Variants in LARGE1 observed in about 807,000 individuals in gnomAD.
LARGE1 encodes the protein LARGE xylosyl- and glucuronyltransferase 1.
In LARGE1, 43 loss-of-function variants were observed where a neutral mutation model predicts 87.6. That is an observed-to-expected ratio of 0.49 (90% CI 0.38 to 0.63). The LOEUF is 0.63. Ranked by LOEUF, LARGE1 falls within the 30% of genes least tolerant of loss-of-function variation. The probability of loss-of-function intolerance (pLI) is 0.00; values close to 1 mark genes in which losing one functional copy is unlikely to be tolerated. For missense variants in LARGE1, 802 were observed against 1,000.2 expected, an observed-to-expected ratio of 0.80 and a Z score of 2.67; for synonymous variants, 434 against 394.6, an observed-to-expected ratio of 1.10 and a Z score of -1.18.
At chr22:33,153,703 T>A in the LARGE1 span, among the ~76,000 whole-genome samples, 183 of 152,212 alleles carry the variant, frequency 1.2e-3, 1 homozygote, top group Non-Finnish European at 2.3e-3. Context: ...TTCTCTTTAG[T>A]TTGCATTATC....
Position 33,453,049 on chromosome 22 carries a change from T to C in LARGE1, c.788-20784A>G, listed in dbSNP as rs144719123. 2.8e-3 allele frequency among the ~76,000 whole-genome samples: 431 copies of C among 152,298 alleles called. 2 individuals are homozygous for C. The highest frequency in any genetic ancestry group is 0.024 in the Middle Eastern group (7 of 294). ...CCCTCCAGCTTTCCCAGAAGGAAAC[T>C]GAATAGACAGAGACAAGCCAACTTC... On this transcript the variant is annotated intron_variant, in intron 6 of 14. Transcript: ENST00000397394.
At chr22:33,752,086 T>G (rs1345264922) in intron 2 of LARGE1, among the ~76,000 whole-genome samples, 1 of 152,206 alleles carries the variant, frequency 6.6e-6, no homozygotes, top group Non-Finnish European at 1.5e-5. Context: ...CCAGCCCCAC[T>G]ATTCTCATTT....
At chr22:33,086,314 C>T in the LARGE1 span, among the ~76,000 whole-genome samples, 4 of 152,186 alleles carry the variant, frequency 2.6e-5, no homozygotes, top group East Asian at 1.9e-4. Context: ...AACTTTGCTA[C>T]GAGTTCCATA....
chr22:33,367,035 G>A (rs969031546), intron 9 of LARGE1, among the ~76,000 whole-genome samples: 1 of 151,944 alleles, frequency 6.6e-6, no homozygotes, highest in Non-Finnish European at 1.5e-5. Flanking sequence ...TTCTTAAATC[G>A]GTTTTGGTAA....
the LARGE1 span, among the ~76,000 whole-genome samples, chr22:33,094,585 TTTTC>T: frequency 3.8e-4 from 58 of 152,100 alleles, no homozygotes; most frequent in Middle Eastern, 0.014. Context: ...TTTCTCTACT[TTTTC>T]TTTCTTTCTT....
At position 33,651,264 on chromosome 22, in the gene LARGE1, C is replaced by G. The variant is rs536659631; in HGVS notation, c.107-596G>C. Among the ~76,000 whole-genome samples the G allele has an allele frequency of 5.1e-5, 6 of 118,152 alleles. No homozygotes were observed. In the East Asian group the frequency reaches 1.2e-3, roughly 24 times the overall value. The allele number at this position is 118,152 out of a possible 152,430, so 77.5% of individuals were successfully genotyped here. On this transcript the variant is annotated intron_variant, in intron 2 of 14. Coordinates refer to ENST00000397394, the MANE Select transcript of LARGE1 (RefSeq NM_133642.5). ...AAAATTAGCCGGGCTTGGTGGCACA[C>G]ACCTGTAGTCCCAGCTACTTGGGAG...
chr22:33,828,152 A>C (rs2062853583), intron 1 of LARGE1, among the ~76,000 whole-genome samples: 2 of 152,204 alleles, frequency 1.3e-5, no homozygotes, highest in South Asian at 4.1e-4. Flanking sequence ...TCTGCACTGA[A>C]GATGCTAAGT....
At chr22:33,526,457 T>C (rs1396849640) in intron 6 of LARGE1, among the ~76,000 whole-genome samples, 1 of 152,262 alleles carries the variant, frequency 6.6e-6, no homozygotes, top group Non-Finnish European at 1.5e-5. Context: ...TTGGAGCCTT[T>C]GCAGGCATTT....
At chr22:33,496,374 G>A (rs965593939) in intron 6 of LARGE1, among the ~76,000 whole-genome samples, 7 of 151,998 alleles carry the variant, frequency 4.6e-5, no homozygotes, top group Admixed American at 2.0e-4. Context: ...TAACCATCAC[G>A]GTGAGTGATA....
chr22:33,494,214 T>A lies in LARGE1; in HGVS notation c.788-61949A>T, dbSNP rs148340030. Among the ~76,000 whole-genome samples the A allele has an allele frequency of 5.6e-3, 850 of 152,342 alleles. 6 individuals carry two copies. Among genetic ancestry groups the A allele is most frequent in the Non-Finnish European group, 8.8e-3 (596 of 68,040 alleles). On this transcript the variant is annotated intron_variant, in intron 6 of 14. Coordinates refer to ENST00000397394, the MANE Select transcript of LARGE1 (RefSeq NM_133642.5). ...CTCTGAAGCCAAAAAGCCCTGGCTG[T>A]GGATCTGGAATTTTTCCACTTATAG...
Position 33,593,840 on chromosome 22 carries a change from C to T in LARGE1, c.615+10595G>A, listed in dbSNP as rs562816183. Reference sequence around the variant, plus strand: ...TATTTTGCTTTTCAGAATGTGACTACTGGAAAATTTAAAATCACACAGATG... The same window carrying T: ...TATTTTGCTTTTCAGAATGTGACTATTGGAAAATTTAAAATCACACAGATG... On this transcript the variant is annotated intron_variant, in intron 5 of 14. Coordinates refer to ENST00000397394, the MANE Select transcript of LARGE1 (RefSeq NM_133642.5). 2.0e-5 allele frequency among the ~76,000 whole-genome samples: 3 copies of T among 152,296 alleles called. No homozygotes were observed. In the South Asian group the frequency reaches 6.2e-4, roughly 32 times the overall value.
chr22:33,491,810 C>T (rs1229205395), intron 6 of LARGE1, among the ~76,000 whole-genome samples: 1 of 152,112 alleles, frequency 6.6e-6, no homozygotes, highest in African/African-American at 2.4e-5. Flanking sequence ...ATAAAACTGT[C>T]AAACTCAAAC....
At chr22:33,734,392 G>A (rs1172754892) in intron 2 of LARGE1, among the ~76,000 whole-genome samples, 1 of 152,170 alleles carries the variant, frequency 6.6e-6, no homozygotes, top group East Asian at 1.9e-4. Flanking sequence ...GTGGTCAAAG[G>A]AACAGAGAAT....
chr22:33,852,948 G>A (rs1044256106), intron 1 of LARGE1, among the ~76,000 whole-genome samples: 2 of 151,456 alleles, frequency 1.3e-5, no homozygotes, highest in Non-Finnish European at 2.9e-5. Flanking sequence ...GGGTAAAGAG[G>A]GATGGGAATG....
intron 6 of LARGE1, among the ~76,000 whole-genome samples, chr22:33,494,477 T>C (rs1423511680): frequency 1.3e-5 from 2 of 152,230 alleles, no homozygotes; most frequent in Admixed American, 1.3e-4. Context: ...CTCAAAATGG[T>C]AGAAGAAAAT....
rs560007274 is a variant in LARGE1, at chr22:33,290,773, T to C, written c.1731-7425A>G. ...TCCCTTCCCAGCTAGGCGCGGTGGC[T>C]CACGCCTGTAATCCCAGCACTTTGG... On this transcript the variant is annotated intron_variant, in intron 12 of 14. Coordinates refer to ENST00000397394, the MANE Select transcript of LARGE1 (RefSeq NM_133642.5). Among the ~76,000 whole-genome samples the C allele has an allele frequency of 7.4e-3, 1,129 of 152,252 alleles. 7 individuals are homozygous for C. The highest frequency in any genetic ancestry group is 0.013 in the Non-Finnish European group (916 of 68,020).
intron 1 of LARGE1, among the ~76,000 whole-genome samples, chr22:33,912,909 T>C (rs2065679279): frequency 6.6e-6 from 1 of 152,028 alleles, no homozygotes; most frequent in Admixed American, 6.6e-5. Flanking sequence ...CGGCTCACTG[T>C]AACCTCCGTC....
At chr22:33,624,386 G>C (rs977687043) in intron 4 of LARGE1, among the ~76,000 whole-genome samples, 2 of 152,098 alleles carry the variant, frequency 1.3e-5, no homozygotes, top group South Asian at 4.2e-4. Flanking sequence ...AGAAGCACAG[G>C]GGGTATTGTG....
At chr22:33,707,472 G>A (rs1168492124) in intron 2 of LARGE1, among the ~76,000 whole-genome samples, 1 of 152,210 alleles carries the variant, frequency 6.6e-6, no homozygotes, top group African/African-American at 2.4e-5. Flanking sequence ...TCCTATAGAT[G>A]GGGTTTGTGG....
Sources: gnomAD v4.1 joint callset for allele counts (sites outside exome capture counted in the v4.1 genomes callset) on GRCh38, gnomAD v4.1.1 for gene constraint, MANE v1.5 for transcripts, NCBI Gene and HGNC (gene_info 2026-07-23, HGNC 2026-07-21) for gene names.